FBLN1: variants seen among roughly 807,000 people sequenced by gnomAD.
FBLN1 encodes the protein fibulin-1.
In FBLN1, 34 loss-of-function variants were observed where a neutral mutation model predicts 89.7. That is an observed-to-expected ratio of 0.38 (90% CI 0.29 to 0.50). FBLN1 has a LOEUF of 0.50. Among genes scored for constraint, FBLN1 ranks in the 20% least tolerant of loss-of-function variants. The pLI, the probability that FBLN1 is intolerant of heterozygous loss-of-function variation, is 0.92. For missense variants in FBLN1, 777 were observed against 988.1 expected, an observed-to-expected ratio of 0.79 and a Z score of 2.86; for synonymous variants, 393 against 391.3, an observed-to-expected ratio of 1.00 and a Z score of -0.05.
intron 14 of FBLN1, among the ~76,000 whole-genome samples, chr22:45,553,670 CAGA>C (rs956163761): frequency 6.6e-6 from 1 of 152,194 alleles, no homozygotes; most frequent in African/African-American, 2.4e-5. Flanking sequence ...GCTCTTTGTC[CAGA>C]AGGAGCCAGC....
chr22:45,596,500 C>T (rs1031788364), intron 16 of FBLN1, among the ~76,000 whole-genome samples: 3 of 151,664 alleles, frequency 2.0e-5, no homozygotes, highest in Admixed American at 6.6e-5. Flanking sequence ...CCCACATGCA[C>T]CAGGAGTGTG....
intron 16 of FBLN1, among the ~76,000 whole-genome samples, chr22:45,599,305 C>A (rs2089211398): frequency 6.6e-6 from 1 of 152,232 alleles, no homozygotes; most frequent in Non-Finnish European, 1.5e-5. Flanking sequence ...GGGGACGCCA[C>A]TGCTGCTCTG....
chr22:45,509,671 G>A (rs2088071933), intron 1 of FBLN1, among the ~76,000 whole-genome samples: 1 of 152,128 alleles, frequency 6.6e-6, no homozygotes, highest in African/African-American at 2.4e-5. Context: ...AATTAGCCAG[G>A]CGTGGTGGTA....
In FBLN1 at chr22:45,550,722, G is replaced by A. The variant is rs1271451889; in HGVS notation, c.1697+107G>A. Reference sequence around the variant, plus strand: ...GGCTGTGACCTCGGTGTCCTCCCATGAGGGACTCAGGGCACTCAAAGATCA... The same window carrying A: ...GGCTGTGACCTCGGTGTCCTCCCATAAGGGACTCAGGGCACTCAAAGATCA... On this transcript the variant is annotated intron_variant, in intron 14 of 16. Transcript: ENST00000327858. This position sits in a 1 kb window ranked among gnomAD's most constrained non-coding sequence, Gnocchi z 8.4. 2.0e-6 allele frequency: 3 copies of A among 1,503,592 alleles called. No homozygotes were observed. The South Asian group carries it at 3.4e-5, about 17-fold the overall frequency. The allele number at this position is 1,503,592 out of a possible 1,614,324, so 93.1% of individuals were successfully genotyped here. A position where few individuals can be genotyped will look rare whatever the true frequency, so the allele number is the denominator to read the frequency against.
intron 11 of FBLN1, among the ~76,000 whole-genome samples, chr22:45,546,672 G>C (rs1207509744): frequency 6.6e-6 from 1 of 152,226 alleles, no homozygotes; most frequent in East Asian, 1.9e-4. Flanking sequence ...ATTGGAGTAT[G>C]AGGAGTACTG....
At chr22:45,518,924 T>C in intron 2 of FBLN1, 137 bp downstream of exon 2, 1 of 811,402 alleles carries the variant, frequency 1.2e-6, no homozygotes, top group South Asian at 1.5e-5. Flanking sequence ...CTGCGGGTGC[T>C]GCAGTGGGTG....
chr22:45,538,501 T>C (rs570772668), intron 8 of FBLN1, among the ~76,000 whole-genome samples: 4 of 152,172 alleles, frequency 2.6e-5, no homozygotes, highest in Admixed American at 1.3e-4. Context: ...CACTTGCTTT[T>C]CCCCCCCACT....
rs1216684585 is a variant in FBLN1 at position 45,600,573 on chromosome 22, A to G, written c.*127A>G. ...TAGGTATTTGTAGCATTAGGCCAAC[A>G]TGTATTAAGCTGAGCCAGATGAATA... On this transcript the variant is annotated 3_prime_UTR_variant, in exon 17 of 17. Coordinates refer to ENST00000327858, the MANE Select transcript of FBLN1 (RefSeq NM_006486.3). The G allele has an allele frequency of 9.1e-7, 1 of 1,100,694 alleles. No individual in the cohort carries two copies. The highest frequency in any genetic ancestry group is 1.5e-5 in the African/African-American group (1 of 64,912). 68.2% of individuals were successfully genotyped at this position (1,100,694 alleles called of 1,614,324 possible).
In FBLN1 at chr22:45,549,307, A is replaced by G. The variant is rs1459377550; in HGVS notation, c.1573+563A>G. ...AGCGGGTGCTGAGTAGATGTTTGTG[A>G]GCGCGTGATCCTCAGTGTACACACT... is the stretch of plus-strand genomic sequence containing the variant. On this transcript the variant is annotated intron_variant, in intron 13 of 16. Coordinates refer to ENST00000327858, the MANE Select transcript of FBLN1 (RefSeq NM_006486.3). This position sits in a 1 kb window ranked among gnomAD's most constrained non-coding sequence, Gnocchi z 5.7. Among the ~76,000 whole-genome samples the G allele has an allele frequency of 6.6e-6, 1 of 152,162 alleles. No individual in the cohort carries two copies. Among genetic ancestry groups the G allele is most frequent in the Non-Finnish European group, 1.5e-5 (1 of 68,036 alleles).
At chr22:45,564,722 A>G (rs1459633732) in intron 14 of FBLN1, among the ~76,000 whole-genome samples, 1 of 152,232 alleles carries the variant, frequency 6.6e-6, no homozygotes, top group African/African-American at 2.4e-5. Flanking sequence ...GGCAGGGACC[A>G]GGTCTATCTC....
At chr22:45,600,009 T>C (rs1446401599) in intron 16 of FBLN1, among the ~76,000 whole-genome samples, 1 of 152,180 alleles carries the variant, frequency 6.6e-6, no homozygotes, top group Non-Finnish European at 1.5e-5. Flanking sequence ...CCCAGAGCCA[T>C]CCAGTTTCAA....
intron 2 of FBLN1, among the ~76,000 whole-genome samples, chr22:45,521,610 A>G (rs1417616921): frequency 6.6e-6 from 1 of 152,208 alleles, no homozygotes; most frequent in East Asian, 1.9e-4. Context: ...TGTGCCAATC[A>G]GAGGCCAAGC....
chr22:45,568,439 G>A (rs2088917161), intron 14 of FBLN1, among the ~76,000 whole-genome samples: 2 of 150,368 alleles, frequency 1.3e-5, no homozygotes, highest in African/African-American at 4.9e-5. Context: ...TGCTCCTTCT[G>A]TAGGGGAGTG....
Position 45,557,845 on chromosome 22 carries a change from A to G in FBLN1, c.1697+7230A>G, listed in dbSNP as rs1198219246. ...GCCAAACCATTGGCCACAGCCCATG[A>G]ATCAGTATGTAATCGCACATCTGGT... On this transcript the variant is annotated intron_variant, in intron 14 of 16. Coordinates refer to ENST00000327858, the MANE Select transcript of FBLN1 (RefSeq NM_006486.3). The surrounding 1 kb of genome is among the most constrained non-coding windows in gnomAD (Gnocchi z 4.9). Among the ~76,000 whole-genome samples, 7 of 152,204 alleles carry G rather than the reference A, an allele frequency of 4.6e-5. No homozygotes were observed. The highest frequency in any genetic ancestry group is 1.0e-4 in the Non-Finnish European group (7 of 68,044).
intron 1 of FBLN1, among the ~76,000 whole-genome samples, chr22:45,506,424 C>G (rs144086808): frequency 6.6e-6 from 1 of 152,330 alleles, no homozygotes; most frequent in African/African-American, 2.4e-5. Context: ...AGACACTGCT[C>G]TATAACTTGT....
intron 3 of FBLN1, among the ~76,000 whole-genome samples, chr22:45,526,908 A>G (rs1168274803): frequency 6.7e-6 from 1 of 150,004 alleles, no homozygotes; most frequent in Non-Finnish European, 1.5e-5. Context: ...CCATGTCCCC[A>G]GACTTGAGAG....
At position 45,531,285 on chromosome 22, in the gene FBLN1, G is replaced by T; in HGVS notation, c.505G>T (p.Glu169Ter). Residue 169 changes from glutamate to a stop codon, truncating the protein, a stop_gained, in exon 5 of 17, where the codon GAG becomes TAG. Transcript: ENST00000327858. LOFTEE classifies it high-confidence loss of function. This position sits in a 1 kb window ranked among gnomAD's most constrained non-coding sequence, Gnocchi z 4.9. Reference protein sequence around the residue: ...QETDKIIEVEEEQEDPYLNDR... With the variant: ...QETDKIIEVE ...CTTAGATAAGATCATTGAGGTTGAG[G>T]AGGAACAAGAGGACCCATATCTGAA... 6.2e-7 allele frequency: 1 copy of T among 1,614,062 alleles called. No homozygotes were observed. The highest frequency in any genetic ancestry group is 1.1e-5 in the South Asian group (1 of 91,080).
rs376859742 is a variant in FBLN1 at position 45,574,565 on chromosome 22, C to T, written c.1752C>T (p.Asn584=). 50 of 1,614,056 alleles carry T rather than the reference C, an allele frequency of 3.1e-5. No individual in the cohort carries two copies. Among genetic ancestry groups the T allele is most frequent in the Middle Eastern group, 1.6e-4 (1 of 6,084 alleles). The change falls in exon 15 of 17, where the codon AAC becomes AAT. Residue 584 remains asparagine, a synonymous_variant. Transcript: ENST00000327858. The surrounding 1 kb of genome is among the most constrained non-coding windows in gnomAD (Gnocchi z 4.1). ...TVRCIKSCRP[N]DVTCVFDPVH... ...GCTGCATCAAGTCCTGCCGCCCCAACGATGTCACATGCGTGTTCGACCCCG... is the reference window on the plus strand; with the variant it reads ...GCTGCATCAAGTCCTGCCGCCCCAATGATGTCACATGCGTGTTCGACCCCG...
chr22:45,533,207 T>C lies in FBLN1; in HGVS notation c.646+43T>C, dbSNP rs368286988. The C allele has an allele frequency of 6.5e-6, 10 of 1,548,536 alleles. No individual in the cohort carries two copies. The African/African-American group carries it at 1.2e-4, about 19-fold the overall frequency. On this transcript the variant is annotated intron_variant, in intron 6 of 16. Transcript: ENST00000327858. Reference sequence around the variant, plus strand: ...GGTGCCAGCAGGACTGGCCGGTCACTGTGCTTGGGAGCTCTGTGCTGGAGG... The same window carrying C: ...GGTGCCAGCAGGACTGGCCGGTCACCGTGCTTGGGAGCTCTGTGCTGGAGG...
Sources: allele counts gnomAD v4.1 joint callset (sites outside exome capture counted in the v4.1 genomes callset), GRCh38; gene constraint gnomAD v4.1.1; non-coding constraint Gnocchi (gnomAD v3.1); transcripts MANE v1.5; gene names NCBI Gene and HGNC (gene_info 2026-07-23, HGNC 2026-07-21).